SLC22A24: variants seen among roughly 807,000 people sequenced by gnomAD.
The protein encoded by SLC22A24 is steroid transmembrane transporter SLC22A24.
In SLC22A24, 53 loss-of-function variants were observed where a neutral mutation model predicts 49.8. That is an observed-to-expected ratio of 1.06 (90% confidence interval 0.85 to 1.34). SLC22A24 has a LOEUF of 1.34. Ranked by LOEUF, SLC22A24 falls within the 40% of genes most tolerant of loss-of-function variation. SLC22A24 has a pLI of 0.00. For synonymous variants in SLC22A24, 302 were observed against 256.4 expected (o/e 1.18, Z -1.70); for missense variants, 786 against 675.9 (o/e 1.16, Z -1.81).
rs997546849 is a variant in SLC22A24, at chr11:63,095,951, T to C, written c.1070+40A>G. ...TTGAAAGAAGAAACAGTTTTGTGTC[T>C]CCAATATTTTAAAGTGAATCATCAC... On this transcript the variant is annotated intron_variant, in intron 6 of 9. Coordinates refer to ENST00000612278, the MANE Select transcript of SLC22A24 (RefSeq NM_001136506.2). 4.4e-6 allele frequency: 6 copies of C among 1,368,060 alleles called. No individual in the cohort carries two copies. In the African/African-American group the frequency reaches 7.2e-5, roughly 16 times the overall value. 84.7% of individuals were successfully genotyped at this position (1,368,060 alleles called of 1,614,324 possible).
intron 2 of SLC22A24, among the ~76,000 whole-genome samples, chr11:63,121,750 T>A (rs144517501): frequency 0.026 from 3,962 of 152,174 alleles, 146 homozygotes; most frequent in African/African-American, 0.089. Context: ...AACTCATCAT[T>A]TAGCATTAGG....
At position 63,143,491 on chromosome 11, in the gene SLC22A24, G is replaced by T; in HGVS notation, c.289C>A (p.Gln97Lys). ...KCQRFIHPQWQLLHLNGTFPN... is the reference protein window; with the variant it reads ...KCQRFIHPQWKLLHLNGTFPN... The stretch of plus-strand genomic sequence containing the variant: ...AAGGTCCCGTTCAGGTGAAGGAGCT[G>T]CCACTGGGGATGGATAAAGCGCTGA... The change falls in exon 1 of 10, where the codon CAG becomes AAG. Residue 97 changes from glutamine (Q) to lysine (K), a missense_variant. By Grantham distance (53) the Gln-to-Lys change is moderately conservative. Coordinates refer to ENST00000612278, the MANE Select transcript of SLC22A24 (RefSeq NM_001136506.2). 1 of 1,601,214 alleles carries T rather than the reference G, an allele frequency of 6.2e-7. No homozygotes were observed. The highest frequency in any genetic ancestry group is 8.5e-7 in the Non-Finnish European group (1 of 1,173,994).
At chr11:63,132,408 T>C (rs957177714) in intron 2 of SLC22A24, among the ~76,000 whole-genome samples, 1 of 152,202 alleles carries the variant, frequency 6.6e-6, no homozygotes, top group Admixed American at 6.5e-5. Context: ...TTTCTCCTCA[T>C]CTTTGTGGTT....
chr11:63,104,190 C>G lies in SLC22A24; in HGVS notation c.939G>C (p.Glu313Asp). 6.5e-7 allele frequency: 1 copy of G among 1,550,002 alleles called. No homozygotes were observed. Among genetic ancestry groups the G allele is most frequent in the East Asian group, 2.4e-5 (1 of 40,898 alleles). ...AHINGKKNTE[E>D]TLTTELVRST... The stretch of plus-strand genomic sequence containing the variant: ...TCCAGATCACCTCAGTGGTCAGTGT[C>G]TCTTCAGTATTCTTTTTTCCATTTA... The change falls in exon 5 of 10, where the codon GAG becomes GAC. Residue 313 changes from glutamate (E) to aspartate (D), a missense_variant. Coordinates refer to ENST00000612278, the MANE Select transcript of SLC22A24 (RefSeq NM_001136506.2).
At chr11:63,089,724 A>G (rs1420002849) in intron 6 of SLC22A24, among the ~76,000 whole-genome samples, 1 of 152,140 alleles carries the variant, frequency 6.6e-6, no homozygotes, top group South Asian at 2.1e-4. Flanking sequence ...GGCAAGCAAA[A>G]AAAGCAGGAG....
At chr11:63,085,607 C>T (rs2086982826) in intron 6 of SLC22A24, among the ~76,000 whole-genome samples, 1 of 152,112 alleles carries the variant, frequency 6.6e-6, no homozygotes, top group African/African-American at 2.4e-5. Context: ...AAAATACAAA[C>T]AGATGAACAA....
Position 63,081,553 on chromosome 11 carries a change from T to C in SLC22A24, c.1394+5A>G. ...TTGAAACCAGATGGTCTTTAGCTCT[T>C]GTACCTCAATATGGTGGGGACGAGC... is the stretch of plus-strand genomic sequence containing the variant. On this transcript the variant is annotated splice_donor_5th_base_variant and intron_variant, in intron 8 of 9. Coordinates refer to ENST00000612278, the MANE Select transcript of SLC22A24 (RefSeq NM_001136506.2). 8 of 1,545,486 alleles carry C rather than the reference T, an allele frequency of 5.2e-6. No individual in the cohort carries two copies. The highest frequency in any genetic ancestry group is 7.0e-6 in the Non-Finnish European group (8 of 1,141,332).
chr11:63,082,675 C>T (rs532686410), intron 7 of SLC22A24, among the ~76,000 whole-genome samples: 1 of 152,346 alleles, frequency 6.6e-6, no homozygotes, highest in African/African-American at 2.4e-5. Flanking sequence ...TCCAACTGTA[C>T]ACTTCATTTA....
intron 4 of SLC22A24, among the ~76,000 whole-genome samples, chr11:63,109,204 C>T (rs1224586804): frequency 1.4e-5 from 2 of 146,168 alleles, no homozygotes; most frequent in Non-Finnish European, 3.0e-5. Flanking sequence ...CCATAGTATT[C>T]CATGGTGTAT....
chr11:63,125,047 T>G (rs2087279314), intron 2 of SLC22A24, among the ~76,000 whole-genome samples: 1 of 152,006 alleles, frequency 6.6e-6, no homozygotes, highest in African/African-American at 2.4e-5. Flanking sequence ...GGCACATGTA[T>G]ACATATGTAA....
At chr11:63,128,132 AC>A (rs1326916711) in intron 2 of SLC22A24, among the ~76,000 whole-genome samples, 1 of 151,908 alleles carries the variant, frequency 6.6e-6, no homozygotes, top group Non-Finnish European at 1.5e-5. Flanking sequence ...TGTAGCAATT[AC>A]TCTTTATTCC....
At chr11:63,126,243 A>T (rs376167726) in intron 2 of SLC22A24, among the ~76,000 whole-genome samples, 3 of 152,210 alleles carry the variant, frequency 2.0e-5, no homozygotes, top group South Asian at 2.1e-4. Context: ...CATGCCTATG[A>T]CCTGAATGGT....
intron 5 of SLC22A24, among the ~76,000 whole-genome samples, chr11:63,098,069 C>T (rs2087066824): frequency 6.6e-6 from 1 of 152,102 alleles, no homozygotes; most frequent in Admixed American, 6.6e-5. Context: ...ACATGTATTT[C>T]AGAACTTAAA....
chr11:63,083,679 A>T (rs1372560811), intron 6 of SLC22A24, among the ~76,000 whole-genome samples: 1 of 152,222 alleles, frequency 6.6e-6, no homozygotes, highest in Non-Finnish European at 1.5e-5. Context: ...CATGATGTTA[A>T]AATGGGCTCT....
At chr11:63,080,670 T>C (rs777705627) in intron 9 of SLC22A24, among the ~76,000 whole-genome samples, 2 of 152,178 alleles carry the variant, frequency 1.3e-5, no homozygotes, top group Non-Finnish European at 2.9e-5. Flanking sequence ...ATAGGCTAAT[T>C]TGGATCTTTT....
At chr11:63,095,604 T>A (rs551802861) in intron 6 of SLC22A24, among the ~76,000 whole-genome samples, 2 of 152,222 alleles carry the variant, frequency 1.3e-5, no homozygotes, top group South Asian at 4.1e-4. Context: ...AAAATGAGCT[T>A]GTCTGGGTGG....
chr11:63,119,703 G>T (rs984409311), intron 2 of SLC22A24, among the ~76,000 whole-genome samples: 1 of 152,164 alleles, frequency 6.6e-6, no homozygotes, highest in African/African-American at 2.4e-5. Flanking sequence ...ACTGAGGAGG[G>T]AAATCCAGAG....
At chr11:63,123,727 C>G (rs1278563237) in intron 2 of SLC22A24, among the ~76,000 whole-genome samples, 1 of 152,154 alleles carries the variant, frequency 6.6e-6, no homozygotes, top group Non-Finnish European at 1.5e-5. Context: ...TAGCAGTCCC[C>G]CAATAGTGGA....
At chr11:63,096,180 G>C (rs757949795) in intron 5 of SLC22A24, 74 bp from the exon 6 acceptor site, 70 of 925,494 alleles carry the variant, frequency 7.6e-5, no homozygotes, top group Non-Finnish European at 1.1e-4. Flanking sequence ...AAGTACTAGA[G>C]AACAAGATAG....
Sources: gnomAD v4.1 joint callset for allele counts (sites outside exome capture counted in the v4.1 genomes callset) on GRCh38, gnomAD v4.1.1 for gene constraint, MANE v1.5 for transcripts, NCBI Gene and HGNC (gene_info 2026-07-23, HGNC 2026-07-21) for gene names.